ACVR2B: variants seen among roughly 807,000 people sequenced by gnomAD.
ACVR2B encodes activin A receptor type 2B, also known as activin receptor type-2B.
In ACVR2B, 18 loss-of-function variants were observed where a neutral mutation model predicts 65.1. That is an observed-to-expected ratio of 0.28 (90% CI 0.19 to 0.41). The LOEUF is 0.41. Ranked by LOEUF, ACVR2B falls within the 10% of genes least tolerant of loss-of-function variation. ACVR2B has a pLI of 1.00. For synonymous variants in ACVR2B, 298 were observed against 277.7 expected (o/e 1.07, Z -0.73); for missense variants, 482 against 682.7 (o/e 0.71, Z 3.28).
chr3:38,472,351 G>A (rs1709832779), intron 1 of ACVR2B, among the ~76,000 whole-genome samples: 1 of 152,184 alleles, frequency 6.6e-6, no homozygotes, highest in South Asian at 2.1e-4. Flanking sequence ...TTCGAGGGGT[G>A]CTGTCTGTGG....
In ACVR2B at chr3:38,455,691, C is replaced by T. The variant is rs1000489390; in HGVS notation, c.52+1317C>T. Reference sequence around the variant, plus strand: ...CAAAGACCAGCTGGCACCTGAGTACCGTATGGAAGAGGGCGTTGCAGCTCT... The same window carrying T: ...CAAAGACCAGCTGGCACCTGAGTACTGTATGGAAGAGGGCGTTGCAGCTCT... On this transcript the variant is annotated intron_variant, in intron 1 of 10. Coordinates refer to ENST00000352511, the MANE Select transcript of ACVR2B (RefSeq NM_001106.4). Among the ~76,000 whole-genome samples the T allele has an allele frequency of 9.9e-5, 15 of 152,188 alleles. 1 individual carries two copies. Among genetic ancestry groups the T allele is most frequent in the African/African-American group, 3.4e-4 (14 of 41,464 alleles).
Position 38,477,981 on chromosome 3 carries a change from A to G in ACVR2B, c.370+11A>G, listed in dbSNP as rs1412556429. ...CTGGGGGCCCGGAAGGTAAGGGGGC[A>G]GTGTGGAAGTGGGGCCTTGAGTCAG... is the stretch of plus-strand genomic sequence containing the variant. On this transcript the variant is annotated intron_variant, in intron 3 of 10. Transcript: ENST00000352511. The surrounding 1 kb of genome is among the most constrained non-coding windows in gnomAD (Gnocchi z 6.7). The G allele has an allele frequency of 6.2e-7, 1 of 1,613,268 alleles. No homozygotes were observed.
chr3:38,460,698 G>T (rs1459992183), intron 1 of ACVR2B, among the ~76,000 whole-genome samples: 1 of 152,226 alleles, frequency 6.6e-6, no homozygotes, highest in African/African-American at 2.4e-5. Flanking sequence ...CAAATGTGAG[G>T]CCCTCTTCCC....
intron 6 of ACVR2B, 38 bp from the exon 7 acceptor site, chr3:38,479,640 C>A: frequency 1.2e-6 from 2 of 1,613,184 alleles, no homozygotes; most frequent in South Asian, 2.2e-5. Flanking sequence ...GTCCTGTACC[C>A]AGAATCTGTG....
In ACVR2B at chr3:38,477,435, T is replaced by G; in HGVS notation, c.201T>G (p.Ser67=). The part of the protein sequence containing the change: ...LHCYASWRNS[S]GTIELVKKGC... ...GCTACGCCTCCTGGCGCAACAGCTC[T>G]GGCACCATCGAGCTCGTGAAGAAGG... Residue 67 remains serine, a synonymous_variant, in exon 2 of 11, where the codon TCT becomes TCG. Coordinates refer to ENST00000352511, the MANE Select transcript of ACVR2B (RefSeq NM_001106.4). This position sits in a 1 kb window ranked among gnomAD's most constrained non-coding sequence, Gnocchi z 6.7. The G allele has an allele frequency of 6.2e-7, 1 of 1,614,182 alleles. No homozygotes were observed. Among genetic ancestry groups the G allele is most frequent in the Non-Finnish European group, 8.5e-7 (1 of 1,180,018 alleles).
At chr3:38,468,471 T>C (rs991134837) in intron 1 of ACVR2B, among the ~76,000 whole-genome samples, 1 of 152,204 alleles carries the variant, frequency 6.6e-6, no homozygotes, top group African/African-American at 2.4e-5. Flanking sequence ...CCTGCTCCTC[T>C]TTGTCGAAGA....
chr3:38,457,884 C>G (rs1161774445), intron 1 of ACVR2B, among the ~76,000 whole-genome samples: 1 of 152,162 alleles, frequency 6.6e-6, no homozygotes, highest in Non-Finnish European at 1.5e-5. Context: ...CTGCCAAGGA[C>G]ATGGGCTACA....
At chr3:38,464,146 A>G (rs1361389415) in intron 1 of ACVR2B, among the ~76,000 whole-genome samples, 2 of 152,286 alleles carry the variant, frequency 1.3e-5, no homozygotes, top group Non-Finnish European at 2.9e-5. Flanking sequence ...GGTGGGACTC[A>G]GTTCAGTCTA....
In ACVR2B at chr3:38,491,406, G is replaced by T. The variant is rs1245750317; in HGVS notation, c.*8074G>T. 2 of 152,682 alleles carry T rather than the reference G, an allele frequency of 1.3e-5. No individual in the cohort carries two copies. Among genetic ancestry groups the T allele is most frequent in the African/African-American group, 2.4e-5 (1 of 41,462 alleles). 9.5% of individuals were successfully genotyped at this position (152,682 alleles called of 1,614,324 possible). ...AGTGTGTTCCCAGTGAGGGTCCCAA[G>T]TCAGTCATCTTAAGTGTTTGTTCTC... is the stretch of plus-strand genomic sequence containing the variant. On this transcript the variant is annotated 3_prime_UTR_variant, in exon 11 of 11. Coordinates refer to ENST00000352511, the MANE Select transcript of ACVR2B (RefSeq NM_001106.4).
chr3:38,458,494 G>T (rs1050836184), intron 1 of ACVR2B, among the ~76,000 whole-genome samples: 1 of 152,148 alleles, frequency 6.6e-6, no homozygotes, highest in African/African-American at 2.4e-5. Flanking sequence ...AGCTTGTTCT[G>T]CGGGGGAGGG....
intron 1 of ACVR2B, chr3:38,454,595 T>G: frequency 2.5e-5 from 9 of 361,126 alleles, no homozygotes; most frequent in East Asian, 4.3e-5. Flanking sequence ...GGGATTCTGG[T>G]TCCTAGAGGC....
chr3:38,480,781 C>CTA (rs762913698), intron 7 of ACVR2B, among the ~76,000 whole-genome samples: 2 of 152,144 alleles, frequency 1.3e-5, no homozygotes, highest in Non-Finnish European at 2.9e-5. Context: ...TTGCACTTAC[C>CTA]ACTCAGTCGA....
intron 1 of ACVR2B, among the ~76,000 whole-genome samples, chr3:38,472,097 A>T (rs1709827730): frequency 6.6e-6 from 1 of 152,152 alleles, no homozygotes; most frequent in South Asian, 2.1e-4. Context: ...TGCATGTGTC[A>T]GTGTCTTTAT....
chr3:38,479,363 TGTC>T, intron 6 of ACVR2B, 92 bp downstream of exon 6: 1 of 1,570,800 alleles, frequency 6.4e-7, no homozygotes, highest in South Asian at 1.1e-5. Context: ...CCTGTGGAGG[TGTC>T]CACCATGAAG....
At chr3:38,457,349 T>C (rs894587900) in intron 1 of ACVR2B, among the ~76,000 whole-genome samples, 4 of 152,234 alleles carry the variant, frequency 2.6e-5, no homozygotes, top group Admixed American at 1.3e-4. Flanking sequence ...ACTCTAACTT[T>C]CCACATTTCC....
rs6599205 is a variant in ACVR2B at position 38,487,949 on chromosome 3, C to G, written c.*4617C>G. 91,448 of 151,964 alleles carry G rather than the reference C, an allele frequency of 0.6. 27,632 individuals carry two copies. The highest frequency in any genetic ancestry group is 0.62 in the East Asian group (3,222 of 5,164). The allele number at this position is 151,964 out of a possible 1,614,324, so 9.4% of individuals were successfully genotyped here. A position where few individuals can be genotyped will look rare whatever the true frequency, so the allele number is the denominator to read the frequency against. The stretch of plus-strand genomic sequence containing the variant: ...TGGCACACCTTTGGAGAGATGGCCA[C>G]GCCTGATTCCCATTTCAGGGGCATC... On this transcript the variant is annotated 3_prime_UTR_variant, in exon 11 of 11. Transcript: ENST00000352511.
rs754445102 is a variant in ACVR2B at position 38,477,237 on chromosome 3, G to A, written c.53-50G>A. 5.4e-5 allele frequency: 86 copies of A among 1,605,922 alleles called. 1 individual carries two copies. Among genetic ancestry groups the A allele is most frequent in the Non-Finnish European group, 7.1e-5 (84 of 1,175,044 alleles). Reference sequence around the variant, plus strand: ...CCCAGGACTGGGAGTAGGGGTTTGGGTGGTGGTCCCAGGGGCATGCTCAGT... The same window carrying A: ...CCCAGGACTGGGAGTAGGGGTTTGGATGGTGGTCCCAGGGGCATGCTCAGT... On this transcript the variant is annotated intron_variant, in intron 1 of 10. Transcript: ENST00000352511. This position sits in a 1 kb window ranked among gnomAD's most constrained non-coding sequence, Gnocchi z 6.7.
In ACVR2B at chr3:38,492,476, A is replaced by G. The variant is rs1362870641; in HGVS notation, c.*9144A>G. The G allele has an allele frequency of 6.6e-6, 1 of 152,548 alleles. No homozygotes were observed. Among genetic ancestry groups the G allele is most frequent in the African/African-American group, 2.4e-5 (1 of 41,452 alleles). 9.4% of individuals were successfully genotyped at this position (152,548 alleles called of 1,614,324 possible). A position where few individuals can be genotyped will look rare whatever the true frequency, so the allele number is the denominator to read the frequency against. On this transcript the variant is annotated 3_prime_UTR_variant, in exon 11 of 11. Coordinates refer to ENST00000352511, the MANE Select transcript of ACVR2B (RefSeq NM_001106.4). ...AAGCTCTTTCAAGTGCTAAAACTAA[A>G]GACTTCTAGTTTTTGGCTCAAATAA...
Position 38,477,626 on chromosome 3 carries a change from GC to G in ACVR2B, c.260+136del. 8.5e-7 allele frequency: 1 copy of G among 1,178,518 alleles called. No homozygotes were observed. The highest frequency in any genetic ancestry group is 1.2e-6 in the Non-Finnish European group (1 of 807,770). 73.0% of individuals were successfully genotyped at this position (1,178,518 alleles called of 1,614,324 possible). A position where few individuals can be genotyped will look rare whatever the true frequency, so the allele number is the denominator to read the frequency against. ...AGGGGCTCTTGAGATGGTAGCCATG[GC>G]CCCACGCCCTTCCACACCCTATTTG... On this transcript the variant is annotated intron_variant, in intron 2 of 10. Transcript: ENST00000352511. This position sits in a 1 kb window ranked among gnomAD's most constrained non-coding sequence, Gnocchi z 6.7.
Sources: allele counts gnomAD v4.1 joint callset (sites outside exome capture counted in the v4.1 genomes callset), GRCh38; gene constraint gnomAD v4.1.1; non-coding constraint Gnocchi (gnomAD v3.1); transcripts MANE v1.5; gene names NCBI Gene and HGNC (gene_info 2026-07-23, HGNC 2026-07-21).